Variants in LHFPL2 observed in about 807,000 individuals in gnomAD.
The protein encoded by LHFPL2 is LHFPL tetraspan subfamily member 2.
A neutral mutation model predicts 17.5 loss-of-function variants in LHFPL2; 7 were observed. The ratio of observed to expected loss-of-function variants is 0.40; its 90% CI spans 0.23 to 0.75. LHFPL2 has a LOEUF of 0.75. Among genes scored for constraint, LHFPL2 ranks in the 30% least tolerant of loss-of-function variants. The pLI, the probability that LHFPL2 is intolerant of heterozygous loss-of-function variation, is 0.37. For missense variants in LHFPL2, 241 were observed against 294.8 expected (o/e 0.82, Z 1.34); for synonymous variants, 134 against 116.2 (o/e 1.15, Z -0.99).
chr5:78,496,491 C>T (rs942350349), intron 4 of LHFPL2, among the ~76,000 whole-genome samples: 1 of 152,176 alleles, frequency 6.6e-6, no homozygotes, highest in South Asian at 2.1e-4. Flanking sequence ...AAACAAATCC[C>T]TCTAGTGTTT....
chr5:78,487,259 C>T lies in LHFPL2; in HGVS notation c.*1638G>A, dbSNP rs1580733768. The T allele has an allele frequency of 6.6e-6, 1 of 152,258 alleles. No individual in the cohort carries two copies. Among genetic ancestry groups the T allele is most frequent in the South Asian group, 2.1e-4 (1 of 4,824 alleles). The allele number at this position is 152,258 out of a possible 1,614,324, so 9.4% of individuals were successfully genotyped here. A position where few individuals can be genotyped will look rare whatever the true frequency, so the allele number is the denominator to read the frequency against. Reference sequence around the variant, plus strand: ...TAGTAAAACTGCGGTTGTCCCATTCCATCTCTGTATAATTATCTGTTCTGC... The same window carrying T: ...TAGTAAAACTGCGGTTGTCCCATTCTATCTCTGTATAATTATCTGTTCTGC... On this transcript the variant is annotated 3_prime_UTR_variant, in exon 5 of 5. Transcript: ENST00000380345.
chr5:78,588,126 G>A (rs1743493069), intron 2 of LHFPL2, among the ~76,000 whole-genome samples: 1 of 151,962 alleles, frequency 6.6e-6, no homozygotes, highest in Non-Finnish European at 1.5e-5. Flanking sequence ...CAGCCTGACA[G>A]AGACCTTAAG....
At chr5:78,489,834 T>C (rs1754377905) in intron 4 of LHFPL2, among the ~76,000 whole-genome samples, 1 of 152,266 alleles carries the variant, frequency 6.6e-6, no homozygotes, top group Non-Finnish European at 1.5e-5. Context: ...TGCCTACGAC[T>C]GCTTTGCTAT....
chr5:78,492,259 A>G (rs1162000239), intron 4 of LHFPL2, among the ~76,000 whole-genome samples: 1 of 152,216 alleles, frequency 6.6e-6, no homozygotes, highest in Non-Finnish European at 1.5e-5. Context: ...CTTCCCTTTA[A>G]AAGACCAAAG....
chr5:78,602,542 T>A (rs1297187044), intron 2 of LHFPL2, among the ~76,000 whole-genome samples: 1 of 152,214 alleles, frequency 6.6e-6, no homozygotes, highest in East Asian at 1.9e-4. Flanking sequence ...GTTTGTTCTT[T>A]AAGAACAAAC....
Position 78,530,278 on chromosome 5 carries a change from A to G in LHFPL2, c.-185-19880T>C, listed in dbSNP as rs116242490. 2.9e-3 allele frequency among the ~76,000 whole-genome samples: 449 copies of G among 152,354 alleles called. 3 individuals are homozygous for G. Among genetic ancestry groups the G allele is most frequent in the African/African-American group, 0.01 (430 of 41,584 alleles). On this transcript the variant is annotated intron_variant, in intron 3 of 4. Coordinates refer to ENST00000380345, the MANE Select transcript of LHFPL2 (RefSeq NM_005779.3). ...TTCTAACCCATGTCTCTAATAATCAAATTATACCATTAGTATTTAAAAACA... is the reference window on the plus strand; with the variant it reads ...TTCTAACCCATGTCTCTAATAATCAGATTATACCATTAGTATTTAAAAACA...
At chr5:78,601,658 T>C (rs1041795734) in intron 2 of LHFPL2, among the ~76,000 whole-genome samples, 1 of 152,180 alleles carries the variant, frequency 6.6e-6, no homozygotes, top group Non-Finnish European at 1.5e-5. Context: ...GCACTGTCTC[T>C]AGGGTGGGCT....
Position 78,488,803 on chromosome 5 carries a change from G to C in LHFPL2, c.*94C>G. 6.9e-7 allele frequency: 1 copy of C among 1,446,668 alleles called. No individual in the cohort carries two copies. The highest frequency in any genetic ancestry group is 1.4e-5 in the African/African-American group (1 of 71,310). The allele number at this position is 1,446,668 out of a possible 1,614,324, so 89.6% of individuals were successfully genotyped here. On this transcript the variant is annotated 3_prime_UTR_variant, in exon 5 of 5. Transcript: ENST00000380345. Reference sequence around the variant, plus strand: ...CGGGCCGTGGAACGTGGCTTTGGTAGGTAAAGGTTAGTTCTCCACTTGACT... The same window carrying C: ...CGGGCCGTGGAACGTGGCTTTGGTACGTAAAGGTTAGTTCTCCACTTGACT...
At chr5:78,571,406 C>A (rs934856650) in intron 2 of LHFPL2, among the ~76,000 whole-genome samples, 2 of 152,124 alleles carry the variant, frequency 1.3e-5, no homozygotes, top group Admixed American at 1.3e-4. Context: ...AACCCACCCT[C>A]GCCTCTGCCC....
At chr5:78,587,772 G>A (rs952231004) in intron 2 of LHFPL2, among the ~76,000 whole-genome samples, 10 of 152,192 alleles carry the variant, frequency 6.6e-5, no homozygotes, top group South Asian at 6.2e-4. Context: ...TACAGAAAGC[G>A]CCGATTAGCA....
chr5:78,581,576 A>G (rs1356314309), intron 2 of LHFPL2, among the ~76,000 whole-genome samples: 2 of 152,142 alleles, frequency 1.3e-5, no homozygotes, highest in African/African-American at 4.8e-5. Flanking sequence ...GGTTCTGTTT[A>G]TATGCTGGAT....
intron 4 of LHFPL2, chr5:78,494,474 G>A (rs1754543285): frequency 1.0e-6 from 1 of 985,412 alleles, no homozygotes; most frequent in Non-Finnish European, 1.2e-6. Flanking sequence ...TTGTACCAAG[G>A]AGGTTAGAAG....
intron 3 of LHFPL2, among the ~76,000 whole-genome samples, chr5:78,537,581 T>G (rs1263800881): frequency 2.6e-5 from 4 of 152,134 alleles, no homozygotes; most frequent in Non-Finnish European, 5.9e-5. Context: ...AGATGATTTC[T>G]GCTCAAAGCA....
intron 2 of LHFPL2, among the ~76,000 whole-genome samples, chr5:78,575,345 G>A (rs1162006319): frequency 2.0e-5 from 3 of 152,232 alleles, no homozygotes; most frequent in Admixed American, 6.5e-5. Flanking sequence ...TCAGGAGATC[G>A]AGACCATCCT....
At chr5:78,584,319 C>G (rs1012012175) in intron 2 of LHFPL2, among the ~76,000 whole-genome samples, 1 of 152,238 alleles carries the variant, frequency 6.6e-6, no homozygotes, top group Non-Finnish European at 1.5e-5. Flanking sequence ...TGTTCCGTTG[C>G]TGGTGAGGAA....
intron 2 of LHFPL2, among the ~76,000 whole-genome samples, chr5:78,588,871 ATCCTGTG>A (rs1459747228): frequency 6.6e-6 from 1 of 152,232 alleles, no homozygotes; most frequent in African/African-American, 2.4e-5. Context: ...TTCATAGTGA[ATCCTGTG>A]TTCTTGTTTC....
intron 2 of LHFPL2, among the ~76,000 whole-genome samples, chr5:78,609,450 C>CAAAAAAAAAAAAA (rs71613975): frequency 2.2e-4 from 9 of 40,682 alleles, no homozygotes; most frequent in African/African-American, 7.7e-4. Flanking sequence ...GACTCAGTCT[C>CAAAAAAAAAAAAA]AAAAAAAAAA....
chr5:78,508,088 C>T (rs1345669088), intron 4 of LHFPL2, among the ~76,000 whole-genome samples: 1 of 151,918 alleles, frequency 6.6e-6, no homozygotes, highest in Admixed American at 6.6e-5. Context: ...TGGTGAGATG[C>T]CAAGCTGAAG....
chr5:78,567,986 T>A (rs1043853611), intron 2 of LHFPL2, among the ~76,000 whole-genome samples: 1 of 132,966 alleles, frequency 7.5e-6, no homozygotes, highest in Admixed American at 7.3e-5. Flanking sequence ...CGTGTAAAAC[T>A]CAGTGTAAAG....
Sources: allele counts gnomAD v4.1 joint callset (sites outside exome capture counted in the v4.1 genomes callset), GRCh38; gene constraint gnomAD v4.1.1; transcripts MANE v1.5; gene names NCBI Gene and HGNC (gene_info 2026-07-23, HGNC 2026-07-21).